The following IGF2BP3 variants were observed in gnomAD, a reference collection of about 807,000 sequenced individuals.
IGF2BP3 encodes the protein insulin like growth factor 2 mRNA binding protein 3.
In IGF2BP3, 9 loss-of-function variants were observed where a neutral mutation model predicts 73.8. The ratio of observed to expected loss-of-function variants is 0.12; its 90% CI spans 0.07 to 0.21. IGF2BP3 has a LOEUF of 0.21. Ranked by LOEUF, IGF2BP3 falls within the 10% of genes least tolerant of loss-of-function variation. IGF2BP3 has a pLI of 1.00. For synonymous variants in IGF2BP3, 258 were observed against 256.7 expected, an observed-to-expected ratio of 1.01 and a Z score of -0.05; for missense variants, 542 against 714.0, an observed-to-expected ratio of 0.76 and a Z score of 2.75.
At chr7:23,382,174 A>T (rs1004233561) in intron 3 of IGF2BP3, among the ~76,000 whole-genome samples, 4 of 151,920 alleles carry the variant, frequency 2.6e-5, no homozygotes, top group Non-Finnish European at 4.4e-5. Flanking sequence ...TGAGCCCAGG[A>T]GGTTGAGGCT....
intron 2 of IGF2BP3, among the ~76,000 whole-genome samples, chr7:23,427,600 G>T (rs1317210856): frequency 1.3e-5 from 2 of 152,136 alleles, no homozygotes; most frequent in Admixed American, 1.3e-4. Context: ...TGCTGGGTGT[G>T]ATGGCTCACG....
At chr7:23,356,487 G>T (rs148421704) in intron 5 of IGF2BP3, among the ~76,000 whole-genome samples, 279 of 152,294 alleles carry the variant, frequency 1.8e-3, no homozygotes, top group African/African-American at 6.5e-3. Flanking sequence ...AGCCCAGGAG[G>T]TTGAGGCTAC....
chr7:23,385,071 G>A (rs144066537), intron 3 of IGF2BP3, among the ~76,000 whole-genome samples: 1 of 152,122 alleles, frequency 6.6e-6, no homozygotes, highest in South Asian at 2.1e-4. Flanking sequence ...AATTTTGGCA[G>A]TAACCAAATA....
chr7:23,448,875 G>GC (rs2128547591), intron 2 of IGF2BP3, among the ~76,000 whole-genome samples: 1 of 152,060 alleles, frequency 6.6e-6, no homozygotes, highest in Admixed American at 6.5e-5. Context: ...AAAGTGATCT[G>GC]CCCGCCTTGG....
chr7:23,404,746 A>T (rs1562731155), intron 3 of IGF2BP3, among the ~76,000 whole-genome samples: 1 of 149,126 alleles, frequency 6.7e-6, no homozygotes, highest in Non-Finnish European at 1.5e-5. Flanking sequence ...AGGAAATCAA[A>T]ATACGGCAAG....
At chr7:23,365,943 A>G (rs554744770) in intron 3 of IGF2BP3, 1 of 152,356 alleles carries the variant, frequency 6.6e-6, no homozygotes, top group East Asian at 1.9e-4. Flanking sequence ...CCACTTTCAA[A>G]AATCTATAGT....
intron 10 of IGF2BP3, among the ~76,000 whole-genome samples, chr7:23,331,782 C>A (rs1253500400): frequency 6.6e-6 from 1 of 151,168 alleles, no homozygotes; most frequent in Non-Finnish European, 1.5e-5. Flanking sequence ...ACTGCTTGAA[C>A]CTGGGAGGCA....
At chr7:23,434,820 C>G (rs1787771007) in intron 2 of IGF2BP3, among the ~76,000 whole-genome samples, 1 of 152,088 alleles carries the variant, frequency 6.6e-6, no homozygotes, top group Non-Finnish European at 1.5e-5. Flanking sequence ...CACTTAAGGA[C>G]AAACAAGTTA....
At chr7:23,323,278 T>C (rs919816612) in intron 10 of IGF2BP3, among the ~76,000 whole-genome samples, 1 of 148,748 alleles carries the variant, frequency 6.7e-6, no homozygotes, top group Admixed American at 6.6e-5. Context: ...TCCCAGTCTC[T>C]GATAAAACAG....
intron 3 of IGF2BP3, among the ~76,000 whole-genome samples, chr7:23,406,205 T>G (rs1437752949): frequency 2.0e-5 from 3 of 152,224 alleles, no homozygotes; most frequent in Non-Finnish European, 2.9e-5. Flanking sequence ...ACCTGTTTGC[T>G]TCTTTTCCGT....
chr7:23,410,252 G>C (rs570412172), intron 3 of IGF2BP3, among the ~76,000 whole-genome samples: 12 of 152,236 alleles, frequency 7.9e-5, no homozygotes, highest in African/African-American at 2.6e-4. Context: ...AGCTACTGGG[G>C]AGGCTGAGAT....
intron 3 of IGF2BP3, among the ~76,000 whole-genome samples, chr7:23,403,636 A>G (rs999143289): frequency 7.9e-5 from 12 of 152,260 alleles, no homozygotes; most frequent in Non-Finnish European, 1.6e-4. Flanking sequence ...AAGAATATAC[A>G]GTTTAGATAC....
rs1296061797 is a variant in IGF2BP3 at position 23,418,907 on chromosome 7, C to T, written c.237-83G>A. On this transcript the variant is annotated intron_variant, in intron 2 of 14. Coordinates refer to ENST00000258729, the MANE Select transcript of IGF2BP3 (RefSeq NM_006547.3). ...AGCCAACATGGAAGTTTAGAAACTA[C>T]TTAAAATATTAACTCTATATTAATT... 7.1e-6 allele frequency: 6 copies of T among 839,408 alleles called. No individual in the cohort carries two copies. In the Admixed American group the frequency reaches 7.2e-5, roughly 10 times the overall value. The allele number at this position is 839,408 out of a possible 1,614,324, so 52.0% of individuals were successfully genotyped here. A position where few individuals can be genotyped will look rare whatever the true frequency, so the allele number is the denominator to read the frequency against.
intron 5 of IGF2BP3, among the ~76,000 whole-genome samples, chr7:23,357,849 C>T (rs1430668265): frequency 2.0e-5 from 3 of 152,100 alleles, no homozygotes; most frequent in Non-Finnish European, 2.9e-5. Context: ...AAGATACAGC[C>T]GTATTTGAGG....
At position 23,385,242 on chromosome 7, in the gene IGF2BP3, C is replaced by T. The variant is rs145349307; in HGVS notation, c.286-23501G>A. Among the ~76,000 whole-genome samples the T allele has an allele frequency of 1.7e-3, 259 of 152,262 alleles. 2 individuals are homozygous for T. Among genetic ancestry groups the T allele is most frequent in the Non-Finnish European group, 2.5e-3 (173 of 68,018 alleles). On this transcript the variant is annotated intron_variant, in intron 3 of 14. Coordinates refer to ENST00000258729, the MANE Select transcript of IGF2BP3 (RefSeq NM_006547.3). ...AGAAAACCAAGTATGTACTTCCTGACAGAAGTCTGTACTACCATCTATGAA... is the reference window on the plus strand; with the variant it reads ...AGAAAACCAAGTATGTACTTCCTGATAGAAGTCTGTACTACCATCTATGAA...
chr7:23,397,662 G>A (rs571780010), intron 3 of IGF2BP3, among the ~76,000 whole-genome samples: 14 of 152,192 alleles, frequency 9.2e-5, no homozygotes, highest in Admixed American at 5.2e-4. Flanking sequence ...AATCCCTCTA[G>A]GTACTGAAGA....
chr7:23,441,688 T>G (rs993660627), intron 2 of IGF2BP3, among the ~76,000 whole-genome samples: 1 of 149,998 alleles, frequency 6.7e-6, no homozygotes, highest in Admixed American at 6.7e-5. Flanking sequence ...TACCAGAAAT[T>G]GCAAATTACC....
intron 3 of IGF2BP3, among the ~76,000 whole-genome samples, chr7:23,406,653 T>C (rs1786841010): frequency 6.6e-6 from 1 of 152,058 alleles, no homozygotes; most frequent in South Asian, 2.1e-4. Context: ...TTCCACAGTG[T>C]GGAAGGGGAC....
chr7:23,338,869 T>C (rs1784640075), intron 10 of IGF2BP3, among the ~76,000 whole-genome samples: 1 of 152,204 alleles, frequency 6.6e-6, no homozygotes, highest in Non-Finnish European at 1.5e-5. Context: ...TTTAGGGAAA[T>C]ATATGATTTG....
Sources: gnomAD v4.1 joint callset for allele counts (sites outside exome capture counted in the v4.1 genomes callset) on GRCh38, gnomAD v4.1.1 for gene constraint, MANE v1.5 for transcripts, NCBI Gene and HGNC (gene_info 2026-07-23, HGNC 2026-07-21) for gene names.